WFDC5: variants seen among roughly 807,000 people sequenced by gnomAD.
The protein encoded by WFDC5 is WAP four-disulfide core domain 5.
Under a neutral mutation model 15.7 loss-of-function variants are expected in WFDC5, and 15 were observed. That is an observed-to-expected ratio of 0.96 (90% CI 0.64 to 1.47). The LOEUF (loss-of-function observed/expected upper bound fraction) is 1.47. Among genes scored for constraint, WFDC5 ranks in the 40% most tolerant of loss-of-function variants. The probability of loss-of-function intolerance (pLI) is 0.00; values close to 1 mark genes in which losing one functional copy is unlikely to be tolerated. For missense variants in WFDC5, 280 were observed against 258.0 expected (o/e 1.09, Z -0.59); for synonymous variants, 109 against 107.7 (o/e 1.01, Z -0.07).
chr20:45,112,679 T>C (rs1008173754), intron 1 of WFDC5, among the ~76,000 whole-genome samples: 6 of 152,140 alleles, frequency 3.9e-5, no homozygotes, highest in African/African-American at 1.4e-4. Context: ...ACACAGACGA[T>C]ACACACATAG....
chr20:45,109,889 G>T, exon 4 of WFDC5: 1 of 1,410,336 alleles, frequency 7.1e-7, no homozygotes, highest in Non-Finnish European at 1.0e-6. Context: ...ATTATCAGAA[G>T]GCTGGAACCA....
exon 4 of WFDC5, chr20:45,109,926 C>G: frequency 6.3e-7 from 1 of 1,586,710 alleles, no homozygotes. Context: ...TGCTGTCCAG[C>G]GGGCAGGGCC....
At chr20:45,109,873 C>G in exon 4 of WFDC5, 1 of 1,258,200 alleles carries the variant, frequency 7.9e-7, no homozygotes, top group Middle Eastern at 1.9e-4. Context: ...TGTCAGCAGG[C>G]CAGTGATTAT....
intron 1 of WFDC5, 73 bp from the exon 2 acceptor site, chr20:45,110,848 A>G (rs1981598834): frequency 6.3e-7 from 1 of 1,581,652 alleles, no homozygotes; most frequent in African/African-American, 1.3e-5. Context: ...CCTGGGAATG[A>G]CAAGACTGAA....
chr20:45,115,235 G>A (rs1248552339), upstream of WFDC5: 1 of 650,610 alleles, frequency 1.5e-6, no homozygotes, highest in African/African-American at 1.8e-5. Flanking sequence ...AGGGCCCGAG[G>A]ACTCAGTGCA....
At chr20:45,115,207 T>C, upstream of WFDC5, 1 of 853,686 alleles carries the variant, frequency 1.2e-6, no homozygotes, top group South Asian at 1.8e-5. Flanking sequence ...GCCTGCTTCA[T>C]CTTGGCCCCA....
intron 1 of WFDC5, among the ~76,000 whole-genome samples, chr20:45,112,755 C>A (rs2145526998): frequency 6.6e-6 from 1 of 152,322 alleles, no homozygotes; most frequent in Non-Finnish European, 1.5e-5. Context: ...TAGGAAACTG[C>A]AGATAGTCAA....
intron 3 of WFDC5, 100 bp downstream of exon 3, chr20:45,110,300 C>G: frequency 6.6e-7 from 1 of 1,521,504 alleles, no homozygotes. Flanking sequence ...GAGGTCCTGA[C>G]TTCTGGGGAG....
chr20:45,110,847 G>T (rs1981598752), intron 1 of WFDC5, 72 bp from the exon 2 acceptor site: 1 of 1,581,746 alleles, frequency 6.3e-7, no homozygotes, highest in African/African-American at 1.3e-5. Flanking sequence ...ACCTGGGAAT[G>T]ACAAGACTGA....
chr20:45,114,058 G>C (rs1022184084), intron 1 of WFDC5, among the ~76,000 whole-genome samples: 1 of 152,202 alleles, frequency 6.6e-6, no homozygotes, highest in African/African-American at 2.4e-5. Flanking sequence ...TTCCTCATCT[G>C]CAAAATGGGG....
chr20:45,112,178 T>C (rs1487218803), intron 1 of WFDC5, among the ~76,000 whole-genome samples: 2 of 151,920 alleles, frequency 1.3e-5, no homozygotes, highest in Non-Finnish European at 2.9e-5. Context: ...GTGGGGGTGA[T>C]GGGAGGGTTC....
upstream of WFDC5, among the ~76,000 whole-genome samples, chr20:45,116,268 A>G (rs1158504328): frequency 6.6e-6 from 1 of 151,942 alleles, no homozygotes; most frequent in Non-Finnish European, 1.5e-5. Flanking sequence ...AAGATAGGAG[A>G]GGCTCTGTCT....
At chr20:45,115,153 A>T in exon 1 of WFDC5, 1 of 1,485,492 alleles carries the variant, frequency 6.7e-7, no homozygotes, top group Non-Finnish European at 9.2e-7. Context: ...AGCCAGAGAA[A>T]CTTAGTCAGG....
chr20:45,111,100 C>T (rs745576778), intron 1 of WFDC5, among the ~76,000 whole-genome samples: 3 of 152,244 alleles, frequency 2.0e-5, no homozygotes, highest in Non-Finnish European at 2.9e-5. Flanking sequence ...TGCCCTCCCA[C>T]TCAGTGCCTC....
chr20:45,112,073 C>G (rs536585318), intron 1 of WFDC5, among the ~76,000 whole-genome samples: 3 of 152,192 alleles, frequency 2.0e-5, no homozygotes, highest in Non-Finnish European at 4.4e-5. Flanking sequence ...TCAACTTCAG[C>G]TGTCACATCG....
chr20:45,114,935 C>T, intron 1 of WFDC5, 64 bp downstream of exon 1: 3 of 1,574,496 alleles, frequency 1.9e-6, no homozygotes, highest in Non-Finnish European at 2.6e-6. Context: ...CCCCCAAACC[C>T]TTACTCTCCC....
chr20:45,114,703 C>T (rs996486839), intron 1 of WFDC5, among the ~76,000 whole-genome samples: 2 of 152,150 alleles, frequency 1.3e-5, no homozygotes, highest in South Asian at 2.1e-4. Flanking sequence ...ATGCATTCCC[C>T]GCCCTGCCAC....
exon 2 of WFDC5, chr20:45,110,768 C>T (rs138962368): frequency 4.7e-4 from 759 of 1,613,980 alleles, no homozygotes; most frequent in Non-Finnish European, 6.0e-4. Context: ...GGCAGCCCCC[C>T]GATTTCTCTG....
chr20:45,113,375 G>C (rs898902237), intron 1 of WFDC5, among the ~76,000 whole-genome samples: 4 of 152,226 alleles, frequency 2.6e-5, no homozygotes, highest in Non-Finnish European at 5.9e-5. Flanking sequence ...ACAAGGTGTG[G>C]TGAACTGGGG....
Sources: allele counts gnomAD v4.1 joint callset (sites outside exome capture counted in the v4.1 genomes callset), GRCh38; gene constraint gnomAD v4.1.1; transcripts MANE v1.5; gene names NCBI Gene and HGNC (gene_info 2026-07-23, HGNC 2026-07-21).